The following OR1F1 variants were observed in gnomAD, a reference collection of about 807,000 sequenced individuals.
OR1F1 encodes olfactory receptor 1F1.
For synonymous variants in OR1F1, 184 were observed against 156.7 expected (o/e 1.17, Z -1.30); for missense variants, 493 against 376.3 (o/e 1.31, Z -2.57).
the OR1F1 span, among the ~76,000 whole-genome samples, chr16:3,196,683 T>G: frequency 0.014 from 2,070 of 150,078 alleles, 19 homozygotes; most frequent in Non-Finnish European, 0.019. Context: ...CCACCACGAC[T>G]GGCGGTGAAA....
chr16:3,204,224 T>C (rs771074425), upstream of OR1F1: 1 of 1,550,042 alleles, frequency 6.5e-7, no homozygotes, highest in Admixed American at 1.9e-5. Context: ...TTTGTCTGCC[T>C]CTGTGTCCAG....
chr16:3,193,561 C>A, the OR1F1 span, among the ~76,000 whole-genome samples: 3 of 152,182 alleles, frequency 2.0e-5, no homozygotes, highest in African/African-American at 7.2e-5. Flanking sequence ...GCGTCCCCGG[C>A]GACCCGAATG....
Position 3,204,401 on chromosome 16 carries a change from ACTCCTGC to A in OR1F1, c.158_164del (p.Ser53CysfsTer61). 1.9e-6 allele frequency: 3 copies of A among 1,613,074 alleles called. No individual in the cohort carries two copies. Among genetic ancestry groups the A allele is most frequent in the Non-Finnish European group, 2.5e-6 (3 of 1,179,770 alleles). On this transcript the variant is annotated frameshift_variant, in exon 1 of 1. Coordinates refer to ENST00000304646, the Ensembl canonical transcript of OR1F1. LOFTEE classifies it low-confidence loss of function (END_TRUNC). ...CTCATCATCCTGTCCGTAAGCATAG[ACTCCTGC>A]CTGCACACCCCCATGTACTTCTTCC...
chr16:3,193,436 G>A, the OR1F1 span, among the ~76,000 whole-genome samples: 1 of 152,356 alleles, frequency 6.6e-6, no homozygotes, highest in African/African-American at 2.4e-5. Context: ...CGGGCTCCGC[G>A]AAGCCCATGC....
chr16:3,202,530 TG>T (rs1958145815), upstream of OR1F1, among the ~76,000 whole-genome samples: 1 of 152,162 alleles, frequency 6.6e-6, no homozygotes, highest in African/African-American at 2.4e-5. Context: ...ATTAGCTTTA[TG>T]GGTTGTTTGT....
chr16:3,200,556 C>T (rs969382168), upstream of OR1F1, among the ~76,000 whole-genome samples: 1 of 152,212 alleles, frequency 6.6e-6, no homozygotes, highest in Non-Finnish European at 1.5e-5. Context: ...CAAGATTGCG[C>T]CACTGCGCTC....
chr16:3,194,157 G>A, the OR1F1 span, among the ~76,000 whole-genome samples: 1 of 152,184 alleles, frequency 6.6e-6, no homozygotes, highest in Non-Finnish European at 1.5e-5. Context: ...TCTCTCTCTA[G>A]GATGAGAAGA....
chr16:3,204,837 C>A (rs1215043456), exon 1 of OR1F1: 7 of 1,614,170 alleles, frequency 4.3e-6, no homozygotes, highest in South Asian at 3.3e-5. Flanking sequence ...TCAATGAGGT[C>A]ATAATCCTTA....
At chr16:3,191,985 C>T in the OR1F1 span, among the ~76,000 whole-genome samples, 82 of 152,328 alleles carry the variant, frequency 5.4e-4, no homozygotes, top group Admixed American at 3.6e-3. Context: ...GGGCCTGCTG[C>T]TGTGGCTCGT....
the OR1F1 span, chr16:3,189,704 C>T: frequency 3.3e-5 from 5 of 151,742 alleles, no homozygotes; most frequent in African/African-American, 1.2e-4. Flanking sequence ...CCGGACGAGC[C>T]CGGCTTTTGG....
In OR1F1 at chr16:3,205,003, A is replaced by G. The variant is rs1390058906; in HGVS notation, c.757A>G (p.Ser253Gly). 6 of 1,614,010 alleles carry G rather than the reference A, an allele frequency of 3.7e-6. No homozygotes were observed. The highest frequency in any genetic ancestry group is 2.7e-5 in the African/African-American group (2 of 74,908). Residue 253 changes from serine to glycine, a missense_variant, in exon 1 of 1, where the codon AGC (serine) becomes GGC (glycine). By Grantham distance (56) the Ser-to-Gly change is moderately conservative (BLOSUM62 0). Transcript: ENST00000304646. ...CCTGGCTGTGGTTCTCCTCTTCTACAGCACCATCATTGCTGTGTATTTTAA... is the reference window on the plus strand; with the variant it reads ...CCTGGCTGTGGTTCTCCTCTTCTACGGCACCATCATTGCTGTGTATTTTAA...
chr16:3,201,350 T>C (rs905441004), upstream of OR1F1, among the ~76,000 whole-genome samples: 3 of 152,226 alleles, frequency 2.0e-5, no homozygotes, highest in Non-Finnish European at 4.4e-5. Context: ...ATGGAATTGC[T>C]GGATTGTATG....
upstream of OR1F1, chr16:3,204,100 A>G: frequency 1.6e-6 from 1 of 636,306 alleles, no homozygotes; most frequent in South Asian, 2.0e-5. Context: ...ACATAGCAGT[A>G]GCAGCCCCAG....
chr16:3,195,172 G>A, the OR1F1 span, among the ~76,000 whole-genome samples: 2 of 152,172 alleles, frequency 1.3e-5, no homozygotes, highest in Non-Finnish European at 2.9e-5. Context: ...CTGCGCCTCC[G>A]GCGCTCTCCC....
At chr16:3,197,605 ACCTGCTGCT>A in the OR1F1 span, among the ~76,000 whole-genome samples, 4 of 710 alleles carry the variant, frequency 5.6e-3, no homozygotes, top group Middle Eastern at 0.083. Flanking sequence ...CTCCAGAGCC[ACCTGCTGCT>A]GGGGGCCAGT....
At chr16:3,194,013 C>G in the OR1F1 span, among the ~76,000 whole-genome samples, 2 of 152,094 alleles carry the variant, frequency 1.3e-5, no homozygotes, top group Non-Finnish European at 2.9e-5. Flanking sequence ...CCGTAGGTGA[C>G]TTGGGGTAAG....
chr16:3,189,722 TA>T, the OR1F1 span: 1 of 152,038 alleles, frequency 6.6e-6, no homozygotes, highest in African/African-American at 2.4e-5. Flanking sequence ...TGGTGCAGGG[TA>T]AAAGTCGTTT....
At chr16:3,205,881 A>T (rs1958202839), downstream of OR1F1, among the ~76,000 whole-genome samples, 1 of 152,228 alleles carries the variant, frequency 6.6e-6, no homozygotes, top group Admixed American at 6.5e-5. Flanking sequence ...GTATTTGAAC[A>T]ATATGAAATC....
chr16:3,190,231 C>T, the OR1F1 span, among the ~76,000 whole-genome samples: 4 of 152,034 alleles, frequency 2.6e-5, no homozygotes, highest in Non-Finnish European at 4.4e-5. Context: ...TGCGTGTAGC[C>T]TCTTGGGGCT....
Sources: allele counts gnomAD v4.1 joint callset (sites outside exome capture counted in the v4.1 genomes callset), GRCh38; gene constraint gnomAD v4.1.1; transcripts MANE v1.5; gene names NCBI Gene and HGNC (gene_info 2026-07-23, HGNC 2026-07-21).